SETDB1: variants seen among roughly 807,000 people sequenced by gnomAD.
The protein encoded by SETDB1 is histone-lysine N-methyltransferase SETDB1.
Under a neutral mutation model 137.4 loss-of-function variants are expected in SETDB1, and 31 were observed. The observed-to-expected ratio is 0.23, with a 90% CI of 0.17 to 0.30. The LOEUF (loss-of-function observed/expected upper bound fraction) is 0.30. Among genes scored for constraint, SETDB1 ranks in the 10% least tolerant of loss-of-function variants. SETDB1 has a pLI of 1.00. For missense variants in SETDB1, 1,113 were observed against 1,631.5 expected (o/e 0.68, Z 5.47); for synonymous variants, 548 against 579.9 (o/e 0.95, Z 0.79).
intron 9 of SETDB1, among the ~76,000 whole-genome samples, chr1:150,945,633 G>T (rs1268293173): frequency 6.6e-6 from 1 of 152,170 alleles, no homozygotes; most frequent in Non-Finnish European, 1.5e-5. Context: ...GCCCAGAGTA[G>T]CCAGAAGAAA....
chr1:150,963,393 A>G, intron 19 of SETDB1, 137 bp from the exon 20 acceptor site: 1 of 862,328 alleles, frequency 1.2e-6, no homozygotes, highest in Non-Finnish European at 1.9e-6. Flanking sequence ...CCTGCTACTT[A>G]GGATCTTTGA....
intron 16 of SETDB1, 27 bp downstream of exon 16, chr1:150,961,218 G>A (rs1481560696): frequency 2.5e-6 from 4 of 1,607,562 alleles, no homozygotes; most frequent in Non-Finnish European, 2.5e-6. Context: ...CACTCTGAGA[G>A]CTATGGCTTT....
chr1:150,937,087 C>T (rs980342166), intron 3 of SETDB1, among the ~76,000 whole-genome samples: 8 of 151,402 alleles, frequency 5.3e-5, no homozygotes, highest in East Asian at 1.9e-4. Context: ...ATTGGGCCAC[C>T]GCACTCCAGC....
At chr1:150,962,094 G>C (rs2102753166) in intron 16 of SETDB1, 36 bp from the exon 17 acceptor site, 1 of 1,613,712 alleles carries the variant, frequency 6.2e-7, no homozygotes, top group East Asian at 2.2e-5. Flanking sequence ...ACCCGAGGCT[G>C]TGAAAGCATT....
intron 10 of SETDB1, among the ~76,000 whole-genome samples, chr1:150,948,238 A>G (rs1426774027): frequency 1.3e-5 from 2 of 151,904 alleles, no homozygotes; most frequent in Non-Finnish European, 2.9e-5. Context: ...ATAAAAAGAA[A>G]AAAAAGAGGC....
Position 150,958,225 on chromosome 1 carries a change from CCTTTTTTTTTTTCTTTTTTTTCTTTTTT to C in SETDB1, c.2334-940_2334-913del, listed in dbSNP as rs1179438629. Among the ~76,000 whole-genome samples, 6 of 142,406 alleles carry C rather than the reference CCTTTTTTTTTTTCTTTTTTTTCTTTTTT, an allele frequency of 4.2e-5. No homozygotes were observed. The East Asian group carries it at 1.2e-3, about 28-fold the overall frequency. The allele number at this position is 142,406 out of a possible 152,430, so 93.4% of individuals were successfully genotyped here. A position where few individuals can be genotyped will look rare whatever the true frequency, so the allele number is the denominator to read the frequency against. On this transcript the variant is annotated intron_variant, in intron 14 of 21. Transcript: ENST00000692827. ...AGCTCCCTGAGGGTAGAAATTATGA[CCTTTTTTTTTTTCTTTTTTTTCTTTTTT>C]CTTTTTTTTTTTTTTTGTGACAGAG...
chr1:150,933,368 CTTTT>C (rs71090112), intron 3 of SETDB1, among the ~76,000 whole-genome samples: 2 of 118,878 alleles, frequency 1.7e-5, no homozygotes, highest in African/African-American at 3.2e-5. Flanking sequence ...CCTATTTTGT[CTTTT>C]TTTTTTTTTT....
At chr1:150,939,864 G>A (rs1670077538) in intron 3 of SETDB1, 76 bp from the exon 4 acceptor site, 1 of 1,025,516 alleles carries the variant, frequency 9.8e-7, no homozygotes, top group South Asian at 1.4e-5. Flanking sequence ...ATGCTTTTGA[G>A]TAAGTTAGTT....
intron 15 of SETDB1, among the ~76,000 whole-genome samples, chr1:150,959,897 A>AC (rs1024630660): frequency 1.3e-5 from 2 of 151,506 alleles, no homozygotes; most frequent in Admixed American, 6.6e-5. Flanking sequence ...CATAGTTGAA[A>AC]CCCCATCTCT....
In SETDB1 at chr1:150,960,712, G is replaced by T. The variant is rs776369381; in HGVS notation, c.2653G>T (p.Asp885Tyr). 4.3e-6 allele frequency: 7 copies of T among 1,611,554 alleles called. No individual in the cohort carries two copies. In the South Asian group the frequency reaches 6.6e-5, roughly 15 times the overall value. ...CTGTTCCTCTGACAGCAGTGGTGTA[G>T]ACTTGAAGGACCAGGAAGATGGCAA... ...APCSSDSSGV[D>Y]LKDQEDGNSG... is the part of the protein sequence containing the mutation. The change falls in exon 16 of 22, where the codon GAC becomes TAC. Residue 885 changes from aspartate (D) to tyrosine (Y), a missense_variant. Asp to Tyr is a radical substitution (Grantham distance 160). Coordinates refer to ENST00000692827, the MANE Select transcript of SETDB1 (RefSeq NM_001366418.1).
At chr1:150,932,222 A>AT (rs146634183) in intron 3 of SETDB1, among the ~76,000 whole-genome samples, 7,939 of 145,712 alleles carry the variant, frequency 0.054, 276 homozygotes, top group Non-Finnish European at 0.056. Context: ...CCCTTCTCTA[A>AT]TTTTTTTTTT....
chr1:150,933,402 A>G (rs1281303550), intron 3 of SETDB1, among the ~76,000 whole-genome samples: 1 of 113,622 alleles, frequency 8.8e-6, no homozygotes. Context: ...GTCTTGCTCC[A>G]TTGCCCTGGC....
intron 14 of SETDB1, among the ~76,000 whole-genome samples, chr1:150,957,710 T>TC (rs1437289747): frequency 6.6e-6 from 1 of 152,242 alleles, no homozygotes; most frequent in Non-Finnish European, 1.5e-5. Context: ...AAAATTTTTT[T>TC]CTTTTTCAGA....
intron 14 of SETDB1, among the ~76,000 whole-genome samples, chr1:150,955,226 A>G (rs1024363398): frequency 2.0e-5 from 3 of 152,252 alleles, no homozygotes; most frequent in Non-Finnish European, 4.4e-5. Flanking sequence ...TGGGTGGTAC[A>G]TGAGTGTTCA....
chr1:150,945,324 G>A, intron 9 of SETDB1: 1 of 1,424,814 alleles, frequency 7.0e-7, no homozygotes, highest in Non-Finnish European at 9.2e-7. Flanking sequence ...ATACGAATCT[G>A]CATGGTTTTG....
intron 14 of SETDB1, among the ~76,000 whole-genome samples, chr1:150,955,534 T>C (rs1571655443): frequency 2.0e-5 from 3 of 152,226 alleles, no homozygotes; most frequent in Non-Finnish European, 4.4e-5. Flanking sequence ...TGTGTGGCTA[T>C]CTTCTTTAAC....
At chr1:150,933,225 A>C (rs900252511) in intron 3 of SETDB1, among the ~76,000 whole-genome samples, 1 of 151,550 alleles carries the variant, frequency 6.6e-6, no homozygotes, top group African/African-American at 2.4e-5. Context: ...ACGCCCAGCT[A>C]ACTTTTTTTT....
intron 2 of SETDB1, 34 bp from the exon 3 acceptor site, chr1:150,929,933 G>T (rs956600513): frequency 6.3e-7 from 1 of 1,597,270 alleles, no homozygotes; most frequent in African/African-American, 1.3e-5. Flanking sequence ...TCCTCTACTG[G>T]CTTTGACCTT....
In SETDB1 at chr1:150,960,624, T is replaced by C; in HGVS notation, c.2565T>C (p.Phe855=). The C allele has an allele frequency of 6.2e-7, 1 of 1,614,062 alleles. No individual in the cohort carries two copies. Among genetic ancestry groups the C allele is most frequent in the Non-Finnish European group, 8.5e-7 (1 of 1,179,986 alleles). ...GTCTGGAAATGGGTGATGAGTACTT[T>C]GCAAATCTGGACCATATCGAGAGCG... is the stretch of plus-strand genomic sequence containing the variant. The part of the protein sequence containing the change: ...KEGLEMGDEY[F]ANLDHIESVE... The change falls in exon 16 of 22, where the codon TTT becomes TTC. Residue 855 remains phenylalanine (F), a synonymous_variant. Coordinates refer to ENST00000692827, the MANE Select transcript of SETDB1 (RefSeq NM_001366418.1).
Sources: gnomAD v4.1 joint callset for allele counts (sites outside exome capture counted in the v4.1 genomes callset) on GRCh38, gnomAD v4.1.1 for gene constraint, MANE v1.5 for transcripts, NCBI Gene and HGNC (gene_info 2026-07-23, HGNC 2026-07-21) for gene names.